The following KCNK10 variants were observed in gnomAD, a reference collection of about 807,000 sequenced individuals.
KCNK10 encodes potassium two pore domain channel subfamily K member 10, also known as potassium channel subfamily K member 10.
A neutral mutation model predicts 47.7 loss-of-function variants in KCNK10; 25 were observed. That is an observed-to-expected ratio of 0.52 (90% confidence interval 0.38 to 0.73). The LOEUF (loss-of-function observed/expected upper bound fraction) is 0.73. KCNK10 is among the 30% of genes least tolerant of loss of function. The pLI, the probability that KCNK10 is intolerant of heterozygous loss-of-function variation, is 0.00. For synonymous variants in KCNK10, 303 were observed against 285.6 expected (o/e 1.06, Z -0.61); for missense variants, 563 against 714.5 (o/e 0.79, Z 2.42).
At chr14:88,218,809 C>T (rs1266472333) in intron 4 of KCNK10, among the ~76,000 whole-genome samples, 6 of 152,124 alleles carry the variant, frequency 3.9e-5, no homozygotes, top group African/African-American at 1.4e-4. Context: ...CGCCTGCTTC[C>T]AAAACCTGCT....
At chr14:88,268,526 T>A (rs1887329999) in intron 1 of KCNK10, among the ~76,000 whole-genome samples, 1 of 152,094 alleles carries the variant, frequency 6.6e-6, no homozygotes, top group African/African-American at 2.4e-5. Context: ...GACTTCAAAG[T>A]CAGTTCTGCA....
chr14:88,278,673 C>A (rs564245054), intron 1 of KCNK10, among the ~76,000 whole-genome samples: 2 of 152,302 alleles, frequency 1.3e-5, no homozygotes, highest in African/African-American at 4.8e-5. Flanking sequence ...GGAACAGAAT[C>A]TTCAGCCAAG....
chr14:88,304,745 G>A (rs1355508876), intron 1 of KCNK10, among the ~76,000 whole-genome samples: 1 of 152,194 alleles, frequency 6.6e-6, no homozygotes, highest in Non-Finnish European at 1.5e-5. Flanking sequence ...AAGATGCGAG[G>A]TGCCTTATGG....
intron 4 of KCNK10, among the ~76,000 whole-genome samples, chr14:88,226,028 C>T (rs546178565): frequency 7.9e-4 from 120 of 152,348 alleles, no homozygotes; most frequent in African/African-American, 2.8e-3. Flanking sequence ...CAGATGAAAC[C>T]CGGATGAGTG....
intron 4 of KCNK10, among the ~76,000 whole-genome samples, chr14:88,197,095 A>G (rs542024703): frequency 3.3e-4 from 51 of 152,324 alleles, no homozygotes; most frequent in African/African-American, 1.2e-3. Context: ...ATATATACAC[A>G]CACAGAAAAA....
chr14:88,317,602 A>G lies in KCNK10; in HGVS notation c.52+5145T>C, dbSNP rs963216890. 4.6e-5 allele frequency among the ~76,000 whole-genome samples: 7 copies of G among 152,356 alleles called. No homozygotes were observed. The East Asian group carries it at 1.3e-3, about 29-fold the overall frequency. On this transcript the variant is annotated intron_variant, in intron 1 of 6. Coordinates refer to ENST00000319231, the MANE Select transcript of KCNK10 (RefSeq NM_138317.3). ...GAAGGAAAGCTTGAAGGAAACTGTC[A>G]TGGACGTAAGCATCAAAAGGCCTAG...
intron 4 of KCNK10, among the ~76,000 whole-genome samples, chr14:88,215,915 C>T (rs1022759074): frequency 1.3e-5 from 2 of 152,132 alleles, no homozygotes; most frequent in African/African-American, 4.8e-5. Context: ...GCCATTAAAA[C>T]GTTCTATAAT....
rs551973211 is a variant in KCNK10, at chr14:88,185,556, T to A, written c.1611A>T (p.Ser537=). Reference sequence around the variant, plus strand: ...ACATTTAGTTTCTGTCTTCAAGTAATGAGTTGTTCTCCGGCTCCCGGTCTT... The same window carrying A: ...ACATTTAGTTTCTGTCTTCAAGTAAAGAGTTGTTCTCCGGCTCCCGGTCTT... ...DTKDREPENN[S]LLEDRN is the part of the protein sequence containing the mutation. Residue 537 remains serine, a synonymous_variant, in exon 7 of 7, where the codon TCA becomes TCT. Transcript: ENST00000319231. This position sits in a 1 kb window ranked among gnomAD's most constrained non-coding sequence, Gnocchi z 4.3. The A allele has an allele frequency of 2.6e-5, 42 of 1,613,366 alleles. 2 individuals are homozygous for A. In the South Asian group the frequency reaches 4.6e-4, roughly 18 times the overall value.
intron 4 of KCNK10, among the ~76,000 whole-genome samples, chr14:88,197,895 A>AGAGAGAGAGAGAGAGAGAG (rs1884974261): frequency 5.2e-5 from 7 of 133,976 alleles, no homozygotes; most frequent in African/African-American, 2.0e-4. Context: ...AGAGAGAGAG[A>AGAGAGAGAGAGAGAGAGAG]AGGGGAAAAA....
intron 2 of KCNK10, among the ~76,000 whole-genome samples, chr14:88,250,823 G>A (rs180838662): frequency 8.9e-4 from 135 of 152,126 alleles, no homozygotes; most frequent in African/African-American, 3.0e-3. Context: ...TACAGGAGGC[G>A]GATCCAGAGA....
chr14:88,301,901 T>C (rs1226674079), intron 1 of KCNK10, among the ~76,000 whole-genome samples: 1 of 152,168 alleles, frequency 6.6e-6, no homozygotes, highest in Non-Finnish European at 1.5e-5. Context: ...TTCATATTTT[T>C]AAAAGATCAT....
chr14:88,248,799 C>G (rs1886712198), intron 2 of KCNK10, among the ~76,000 whole-genome samples: 2 of 152,002 alleles, frequency 1.3e-5, no homozygotes, highest in Admixed American at 1.3e-4. Flanking sequence ...CACCAAATCT[C>G]CCTGAGCATA....
intron 1 of KCNK10, among the ~76,000 whole-genome samples, chr14:88,276,780 CA>C (rs1387194363): frequency 2.6e-5 from 4 of 152,232 alleles, no homozygotes; most frequent in Admixed American, 6.5e-5. Context: ...CTCAGTCCAC[CA>C]TTTCCTTCTT....
chr14:88,288,569 A>G (rs1051752561), intron 1 of KCNK10, among the ~76,000 whole-genome samples: 9 of 152,088 alleles, frequency 5.9e-5, no homozygotes, highest in African/African-American at 2.2e-4. Context: ...CTGCCTGCCA[A>G]AATGTAAATT....
chr14:88,232,140 T>C (rs1940536), intron 3 of KCNK10, among the ~76,000 whole-genome samples: 99,689 of 152,124 alleles, frequency 0.66, 33,032 homozygotes, highest in East Asian at 0.77. Flanking sequence ...TGGTGTTACA[T>C]TATTACTAAA....
intron 2 of KCNK10, among the ~76,000 whole-genome samples, chr14:88,244,007 C>T (rs17124337): frequency 0.1 from 15,237 of 151,814 alleles, 2,077 homozygotes; most frequent in African/African-American, 0.31. Context: ...CAAAGTAGGG[C>T]CACTGATGAT....
rs534969309 is a variant in KCNK10 at position 88,184,128 on chromosome 14, C to G, written c.*1407G>C. On this transcript the variant is annotated 3_prime_UTR_variant, in exon 7 of 7. Transcript: ENST00000319231. ...AAACCCATTTAAAATCATCATGCAACCTATGACTAGCCATTCCCCGACTTT... is the reference window on the plus strand; with the variant it reads ...AAACCCATTTAAAATCATCATGCAAGCTATGACTAGCCATTCCCCGACTTT... 2.6e-5 allele frequency: 4 copies of G among 152,296 alleles called. No individual in the cohort carries two copies. The highest frequency in any genetic ancestry group is 7.2e-5 in the African/African-American group (3 of 41,418). The allele number at this position is 152,296 out of a possible 1,614,324, so 9.4% of individuals were successfully genotyped here.
At chr14:88,246,499 C>A (rs913842213) in intron 2 of KCNK10, among the ~76,000 whole-genome samples, 2 of 152,196 alleles carry the variant, frequency 1.3e-5, no homozygotes, top group East Asian at 3.8e-4. Context: ...TTGCTTGCCA[C>A]AATTACTTTT....
chr14:88,273,737 G>A (rs1205239500), intron 1 of KCNK10, among the ~76,000 whole-genome samples: 3 of 152,164 alleles, frequency 2.0e-5, no homozygotes, highest in African/African-American at 4.8e-5. Flanking sequence ...CCCTAAAGGT[G>A]CACACAGCCA....
Sources: allele counts gnomAD v4.1 joint callset (sites outside exome capture counted in the v4.1 genomes callset), GRCh38; gene constraint gnomAD v4.1.1; non-coding constraint Gnocchi (gnomAD v3.1); transcripts MANE v1.5; gene names NCBI Gene and HGNC (gene_info 2026-07-23, HGNC 2026-07-21).